TMEM178B: variants seen among roughly 807,000 people sequenced by gnomAD.
TMEM178B encodes the protein transmembrane protein 178B.
In TMEM178B, 5 loss-of-function variants were observed where a neutral mutation model predicts 31.0. The ratio of observed to expected loss-of-function variants is 0.16; its 90% confidence interval spans 0.08 to 0.34. TMEM178B has a LOEUF of 0.34. Ranked by LOEUF, TMEM178B falls within the 10% of genes least tolerant of loss-of-function variation. The pLI, the probability that TMEM178B is intolerant of heterozygous loss-of-function variation, is 1.00. For synonymous variants in TMEM178B, 164 were observed against 164.0 expected, an observed-to-expected ratio of 1.00 and a Z score of 0.00; for missense variants, 275 against 400.3, an observed-to-expected ratio of 0.69 and a Z score of 2.67.
intron 1 of TMEM178B, among the ~76,000 whole-genome samples, chr7:141,090,145 T>C (rs1004217672): frequency 6.6e-6 from 1 of 152,156 alleles, no homozygotes; most frequent in Non-Finnish European, 1.5e-5. Flanking sequence ...CTATCATGAA[T>C]ATAAGAATTT....
chr7:141,507,154 G>A, the TMEM178B span, among the ~76,000 whole-genome samples: 9 of 152,190 alleles, frequency 5.9e-5, no homozygotes, highest in South Asian at 6.2e-4. Flanking sequence ...GCAAGCTGTC[G>A]GTGCATCTAC....
At chr7:141,485,187 C>G (rs897864541), downstream of TMEM178B, among the ~76,000 whole-genome samples, 1 of 152,154 alleles carries the variant, frequency 6.6e-6, no homozygotes, top group Admixed American at 6.5e-5. Context: ...TGAGAAAGCC[C>G]GGACCATGTG....
chr7:141,437,229 T>G (rs1443591006), intron 2 of TMEM178B, among the ~76,000 whole-genome samples: 1 of 152,174 alleles, frequency 6.6e-6, no homozygotes, highest in Non-Finnish European at 1.5e-5. Flanking sequence ...CCAGTCTCTG[T>G]TCTACCGCTT....
At chr7:141,286,977 A>G (rs746640623) in intron 2 of TMEM178B, among the ~76,000 whole-genome samples, 4 of 152,244 alleles carry the variant, frequency 2.6e-5, no homozygotes, top group Admixed American at 6.5e-5. Context: ...TCGCTTGTTT[A>G]CTACAATTAT....
intron 1 of TMEM178B, among the ~76,000 whole-genome samples, chr7:141,191,518 A>G (rs191645764): frequency 7.2e-5 from 11 of 152,350 alleles, no homozygotes; most frequent in Non-Finnish European, 1.3e-4. Context: ...ACTGCCATCA[A>G]CCTTGCTTCC....
At chr7:141,367,125 C>T (rs946150646) in intron 2 of TMEM178B, among the ~76,000 whole-genome samples, 1 of 151,936 alleles carries the variant, frequency 6.6e-6, no homozygotes, top group Admixed American at 6.6e-5. Context: ...TGGCCAGGGC[C>T]TGTGAAGACA....
At chr7:141,497,323 C>A in the TMEM178B span, among the ~76,000 whole-genome samples, 1 of 152,178 alleles carries the variant, frequency 6.6e-6, no homozygotes, top group African/African-American at 2.4e-5. Context: ...CTCTCCTTCC[C>A]TTTTCTCCTT....
intron 1 of TMEM178B, among the ~76,000 whole-genome samples, chr7:141,208,337 T>C (rs1220657660): frequency 6.6e-6 from 1 of 152,154 alleles, no homozygotes; most frequent in Non-Finnish European, 1.5e-5. Context: ...TGCAGGAGTT[T>C]GGTGAAGAAG....
chr7:141,435,222 A>G (rs1801512597), intron 2 of TMEM178B, among the ~76,000 whole-genome samples: 1 of 152,238 alleles, frequency 6.6e-6, no homozygotes, highest in Non-Finnish European at 1.5e-5. Flanking sequence ...GTCTCTCACC[A>G]AGTAAAAAAA....
At chr7:141,446,455 C>G (rs930287386) in intron 3 of TMEM178B, among the ~76,000 whole-genome samples, 1 of 152,212 alleles carries the variant, frequency 6.6e-6, no homozygotes, top group Non-Finnish European at 1.5e-5. Flanking sequence ...GACAGAGCAG[C>G]CCCTGGAAGG....
intron 1 of TMEM178B, among the ~76,000 whole-genome samples, chr7:141,156,738 CCT>C (rs1796076785): frequency 6.6e-6 from 1 of 152,186 alleles, no homozygotes; most frequent in Non-Finnish European, 1.5e-5. Flanking sequence ...TCTCAGATTT[CCT>C]CTCTTTTCTT....
Position 141,143,150 on chromosome 7 carries a change from A to T in TMEM178B, c.382+68458A>T, listed in dbSNP as rs10226637. On this transcript the variant is annotated intron_variant, in intron 1 of 3. Transcript: ENST00000565468. ...TTTGTTGGATGCATAGTTTGCAAAT[A>T]TTCTTCCATTCTGTAGGTTGTTTAC... is the stretch of plus-strand genomic sequence containing the variant. 3.7e-3 allele frequency among the ~76,000 whole-genome samples: 559 copies of T among 152,328 alleles called. 1 individual carries two copies. Among genetic ancestry groups the T allele is most frequent in the African/African-American group, 0.013 (533 of 41,574 alleles).
intron 1 of TMEM178B, among the ~76,000 whole-genome samples, chr7:141,149,130 G>A (rs1276648927): frequency 6.6e-6 from 1 of 152,196 alleles, no homozygotes; most frequent in Non-Finnish European, 1.5e-5. Flanking sequence ...GAGTGGAACA[G>A]GGAGACTAGT....
rs71170797 is a variant in TMEM178B, at chr7:141,432,146, C to CTTTTTTTTTTTTTTT, written c.497-5448_497-5434dup. ...TTTCTTTTTCTCTCCTTCACTGCATCTTTTTTTTTTTTTTTTTTTTTTTTT... is the reference window on the plus strand; with the variant it reads ...TTTCTTTTTCTCTCCTTCACTGCATCTTTTTTTTTTTTTTTTTTTTTTTTTTTTTTTTTTTTTTTT... On this transcript the variant is annotated intron_variant, in intron 2 of 3. Coordinates refer to ENST00000565468, the MANE Select transcript of TMEM178B (RefSeq NM_001195278.2). Among the ~76,000 whole-genome samples the CTTTTTTTTTTTTTTT allele has an allele frequency of 1.8e-3, 140 of 79,082 alleles. 5 individuals are homozygous for CTTTTTTTTTTTTTTT. The highest frequency in any genetic ancestry group is 3.1e-3 in the African/African-American group (61 of 19,638). 51.9% of individuals were successfully genotyped at this position (79,082 alleles called of 152,430 possible).
intron 2 of TMEM178B, among the ~76,000 whole-genome samples, chr7:141,275,855 T>G (rs1296267259): frequency 2.0e-5 from 3 of 152,200 alleles, no homozygotes; most frequent in Non-Finnish European, 2.9e-5. Flanking sequence ...CCTGGAAGCA[T>G]CATTGCTGCA....
intron 2 of TMEM178B, among the ~76,000 whole-genome samples, chr7:141,316,707 C>T (rs563764956): frequency 3.0e-4 from 45 of 152,322 alleles, no homozygotes; most frequent in African/African-American, 1.0e-3. Context: ...GGTTCATAGA[C>T]AGGTGTCTGT....
chr7:141,123,961 C>G (rs928346866), intron 1 of TMEM178B, among the ~76,000 whole-genome samples: 2 of 152,130 alleles, frequency 1.3e-5, no homozygotes, highest in Admixed American at 1.3e-4. Flanking sequence ...CGCCATGTTG[C>G]CCAGGCTGGT....
At chr7:141,200,955 C>T (rs145301678) in intron 1 of TMEM178B, among the ~76,000 whole-genome samples, 3 of 152,266 alleles carry the variant, frequency 2.0e-5, no homozygotes, top group East Asian at 1.9e-4. Context: ...CCTGCTGATG[C>T]AGCATGTGGG....
chr7:141,154,161 GC>G (rs1796027241), intron 1 of TMEM178B, among the ~76,000 whole-genome samples: 1 of 152,206 alleles, frequency 6.6e-6, no homozygotes, highest in South Asian at 2.1e-4. Context: ...GAATGCCTCT[GC>G]AGTGGCTCTG....
Sources: gnomAD v4.1 joint callset for allele counts (sites outside exome capture counted in the v4.1 genomes callset) on GRCh38, gnomAD v4.1.1 for gene constraint, MANE v1.5 for transcripts, NCBI Gene and HGNC (gene_info 2026-07-23, HGNC 2026-07-21) for gene names.